Variants in SERPINA11 observed in about 807,000 individuals in gnomAD.
SERPINA11 encodes serpin A11.
In SERPINA11, 28 loss-of-function variants were observed where a neutral mutation model predicts 29.4. The ratio of observed to expected loss-of-function variants is 0.95; its 90% CI spans 0.70 to 1.30. The LOEUF is 1.30. SERPINA11 is among the 50% of genes most tolerant of loss of function. The pLI, the probability that SERPINA11 is intolerant of heterozygous loss-of-function variation, is 0.00. For synonymous variants in SERPINA11, 253 were observed against 206.6 expected (o/e 1.22, Z -1.92); for missense variants, 530 against 507.3 (o/e 1.04, Z -0.43).
chr14:94,443,126 T>C lies in SERPINA11; in HGVS notation c.1017A>G (p.Glu339=). The C allele has an allele frequency of 6.2e-7, 1 of 1,614,024 alleles. No homozygotes were observed. The highest frequency in any genetic ancestry group is 8.5e-7 in the Non-Finnish European group (1 of 1,179,942). ...QIGLTNILNL[E]ADFSGVTGQL... ...GCCCAGTGACTCCTGAGAAGTCAGC[T>C]TCTAAGTTGAGTATGTTGGTGAGAC... is the stretch of plus-strand genomic sequence containing the variant. Residue 339 remains glutamate, a synonymous_variant, in exon 4 of 5, where the codon GAA becomes GAG. Transcript: ENST00000334708.
In SERPINA11 at chr14:94,446,335, G is replaced by A; in HGVS notation, c.913C>T (p.Pro305Ser). The change falls in exon 3 of 5, where the codon CCC (proline) becomes TCC (serine). Residue 305 changes from proline (P) to serine (S), a missense_variant. By Grantham distance (74) the Pro-to-Ser change is moderately conservative. Transcript: ENST00000334708. ...TLRKWGQLLL[P>S]SLLDLHLPRF... ...TCCTTCTGCTGTGACACTTACCTGG[G>A]CAGGAGCAATTGGCCCCATTTTCTC... The A allele has an allele frequency of 6.2e-7, 1 of 1,612,522 alleles. No individual in the cohort carries two copies. The highest frequency in any genetic ancestry group is 1.3e-5 in the African/African-American group (1 of 74,954).
chr14:94,448,282 C>T lies in SERPINA11; in HGVS notation c.493G>A (p.Ala165Thr). The T allele has an allele frequency of 6.2e-7, 1 of 1,614,228 alleles. No homozygotes were observed. Among genetic ancestry groups the T allele is most frequent in the Non-Finnish European group, 8.5e-7 (1 of 1,180,044 alleles). The change falls in exon 2 of 5, where the codon GCT becomes ACT. Residue 165 changes from alanine to threonine, a missense_variant. By Grantham distance (58) the Ala-to-Thr change is moderately conservative. Coordinates refer to ENST00000334708, the MANE Select transcript of SERPINA11 (RefSeq NM_001080451.2). Reference protein sequence around the residue: ...DSIKELYGAFAFSANFTDSVT... With the variant: ...DSIKELYGAFTFSANFTDSVT... ...GAATCTGTGAAGTTGGCAGAAAAAG[C>T]AAAAGCTCCATAAAGCTCCTTGATG...
At position 94,448,421 on chromosome 14, in the gene SERPINA11, G is replaced by T; in HGVS notation, c.354C>A (p.Gly118=). ...TETPEADIHQ[G]FRSLLHTLAL... Reference sequence around the variant, plus strand: ...CAAGGGTGTGGAGGAGGCTCCGGAAGCCCTGGTGGATGTCGGCTTCAGGGG... The same window carrying T: ...CAAGGGTGTGGAGGAGGCTCCGGAATCCCTGGTGGATGTCGGCTTCAGGGG... The change falls in exon 2 of 5, where the codon GGC becomes GGA. Residue 118 remains glycine, a synonymous_variant. Transcript: ENST00000334708. The T allele has an allele frequency of 6.2e-7, 1 of 1,614,188 alleles. No homozygotes were observed.
At chr14:94,452,403 T>C (rs889168827) in intron 1 of SERPINA11, among the ~76,000 whole-genome samples, 4 of 152,118 alleles carry the variant, frequency 2.6e-5, no homozygotes, top group African/African-American at 9.7e-5. Context: ...TCATTGTCAT[T>C]GTGCTTTGGG....
At chr14:94,451,160 G>A (rs534985275) in intron 1 of SERPINA11, among the ~76,000 whole-genome samples, 4 of 152,256 alleles carry the variant, frequency 2.6e-5, no homozygotes, top group South Asian at 2.1e-4. Context: ...CAAATGCTGC[G>A]ACAGTGAAAG....
At chr14:94,452,447 G>T in intron 1 of SERPINA11, among the ~76,000 whole-genome samples, 1 of 131,646 alleles carries the variant, frequency 7.6e-6, no homozygotes, top group Admixed American at 8.3e-5. Flanking sequence ...TAACTGGCAG[G>T]AATATTTGGG....
At chr14:94,449,396 CTTTCTTTCTATTCT>C (rs1898519413) in intron 1 of SERPINA11, among the ~76,000 whole-genome samples, 3 of 12,164 alleles carry the variant, frequency 2.5e-4, no homozygotes, top group Non-Finnish European at 6.8e-4. Context: ...CTCCCTCTTT[CTTTCTTTCTATTCT>C]TTCTTTCTTT....
At chr14:94,443,328 G>C (rs1898379180) in intron 3 of SERPINA11, 103 bp from the exon 4 acceptor site, 5 of 1,120,472 alleles carry the variant, frequency 4.5e-6, no homozygotes, top group Admixed American at 2.4e-5. Context: ...GCATTTCCCA[G>C]CGTGAGAAGC....
chr14:94,448,707 A>G lies in SERPINA11; in HGVS notation c.68T>C (p.Leu23Pro), dbSNP rs745419574. 1.4e-5 allele frequency: 22 copies of G among 1,535,010 alleles called. No homozygotes were observed. In the African/African-American group the frequency reaches 2.4e-4, roughly 16 times the overall value. ...ILASVHCQPL[L>P]AHGDKSLQGP... is the part of the protein sequence containing the mutation. ...CTGCAGACTTTTATCTCCATGGGCA[A>G]GAAGGGGCTGACAGTGGACAGAGGC... is the stretch of plus-strand genomic sequence containing the variant. The change falls in exon 2 of 5, where the codon CTT (leucine) becomes CCT (proline). Residue 23 changes from leucine (L) to proline (P), a missense_variant. Transcript: ENST00000334708.
intron 3 of SERPINA11, among the ~76,000 whole-genome samples, chr14:94,444,912 C>T (rs901090101): frequency 6.6e-6 from 1 of 152,240 alleles, no homozygotes; most frequent in Non-Finnish European, 1.5e-5. Flanking sequence ...GGCTCTGCCA[C>T]CAATACAATG....
At chr14:94,445,201 A>T (rs868482034) in intron 3 of SERPINA11, among the ~76,000 whole-genome samples, 1 of 152,208 alleles carries the variant, frequency 6.6e-6, no homozygotes, top group Non-Finnish European at 1.5e-5. Context: ...CTACTCCAAC[A>T]CATGAAAACT....
At chr14:94,449,952 G>A (rs1191006084) in intron 1 of SERPINA11, among the ~76,000 whole-genome samples, 1 of 152,186 alleles carries the variant, frequency 6.6e-6, no homozygotes, top group Non-Finnish European at 1.5e-5. Context: ...AGAAAGAAGA[G>A]TGCCCTCCCC....
At chr14:94,443,997 A>G (rs1258672216) in intron 3 of SERPINA11, among the ~76,000 whole-genome samples, 3 of 152,196 alleles carry the variant, frequency 2.0e-5, no homozygotes, top group Non-Finnish European at 4.4e-5. Flanking sequence ...AACCAACTTG[A>G]ACACTTCTGC....
In SERPINA11 at chr14:94,446,375, C is replaced by T. The variant is rs147000089; in HGVS notation, c.873G>A (p.Leu291=). The change falls in exon 3 of 5, where the codon CTG becomes CTA. Residue 291 remains leucine, a synonymous_variant. Coordinates refer to ENST00000334708, the MANE Select transcript of SERPINA11 (RefSeq NM_001080451.2). The part of the protein sequence containing the change: ...PGKMKQVEAA[L]QPQTLRKWGQ... ...CCCATTTTCTCAGGGTCTGTGGCTG[C>T]AGAGCAGCCTCCACCTGCTTCATTT... 1 of 1,613,976 alleles carries T rather than the reference C, an allele frequency of 6.2e-7. No homozygotes were observed. The highest frequency in any genetic ancestry group is 8.5e-7 in the Non-Finnish European group (1 of 1,179,992).
chr14:94,447,770 T>C (rs562552378), intron 2 of SERPINA11, among the ~76,000 whole-genome samples: 1 of 151,482 alleles, frequency 6.6e-6, no homozygotes, highest in Admixed American at 6.6e-5. Context: ...CTAGTTTTTT[T>C]CAACCTGAAC....
In SERPINA11 at chr14:94,446,442, C is replaced by T; in HGVS notation, c.806G>A (p.Arg269Lys). The change falls in exon 3 of 5, where the codon AGA becomes AAA. Residue 269 changes from arginine to lysine, a missense_variant. Arg to Lys is a conservative substitution (Grantham distance 26). Transcript: ENST00000334708. ...LACTVLQIEY[R>K]GNALALLVLP... is the part of the protein sequence containing the mutation. The stretch of plus-strand genomic sequence containing the variant: ...GACCAGCAGCGCCAAGGCATTTCCT[C>T]TGTATTCTATCTGGAGGACGGTGCA... The T allele has an allele frequency of 6.2e-7, 1 of 1,614,178 alleles. No homozygotes were observed. The highest frequency in any genetic ancestry group is 1.3e-5 in the African/African-American group (1 of 75,056).
In SERPINA11 at chr14:94,449,401, TTTCTATTCTTTCTTTCTTTCTTTC is replaced by T. The variant is rs1280508445; in HGVS notation, c.-3-648_-3-625del. On this transcript the variant is annotated intron_variant, in intron 1 of 4. Transcript: ENST00000334708. ...TCTAGCCTCCCTCCCTCTTTCTTTC[TTTCTATTCTTTCTTTCTTTCTTTC>T]TTTCTTTCTTTCTTTCTTTCTTTCT... Among the ~76,000 whole-genome samples the T allele has an allele frequency of 3.4e-4, 14 of 41,444 alleles. 2 individuals are homozygous for T. The highest frequency in any genetic ancestry group is 1.2e-3 in the African/African-American group (14 of 11,514). The allele number at this position is 41,444 out of a possible 152,430, so 27.2% of individuals were successfully genotyped here. A position where few individuals can be genotyped will look rare whatever the true frequency, so the allele number is the denominator to read the frequency against.
chr14:94,448,509 A>C lies in SERPINA11; in HGVS notation c.266T>G (p.Leu89Arg). The change falls in exon 2 of 5, where the codon CTT (leucine) becomes CGT (arginine). Residue 89 changes from leucine (L) to arginine (R), a missense_variant. Physicochemically the swap from Leu to Arg is moderately radical, Grantham distance 102. Coordinates refer to ENST00000334708, the MANE Select transcript of SERPINA11 (RefSeq NM_001080451.2). ...AGCTGAGGTGTTAGCTTGGGCCCCA[A>C]GAGAGAGCAGGGCCAGGGTGGTGGA... is the stretch of plus-strand genomic sequence containing the variant. ...SISTTLALLSLGAQANTSALI... is the reference protein window; with the variant it reads ...SISTTLALLSRGAQANTSALI... 3 of 1,614,162 alleles carry C rather than the reference A, an allele frequency of 1.9e-6. No homozygotes were observed. The highest frequency in any genetic ancestry group is 2.5e-6 in the Non-Finnish European group (3 of 1,180,030).
At chr14:94,447,451 A>G (rs1595654058) in intron 2 of SERPINA11, among the ~76,000 whole-genome samples, 1 of 152,296 alleles carries the variant, frequency 6.6e-6, no homozygotes, top group South Asian at 2.1e-4. Flanking sequence ...TTGGACCACT[A>G]TGAAAACCTC....
Sources: gnomAD v4.1 joint callset for allele counts (sites outside exome capture counted in the v4.1 genomes callset) on GRCh38, gnomAD v4.1.1 for gene constraint, MANE v1.5 for transcripts, NCBI Gene and HGNC (gene_info 2026-07-23, HGNC 2026-07-21) for gene names.